The following TASP1 variants were observed in gnomAD, a reference collection of about 807,000 sequenced individuals.
TASP1 encodes taspase 1, also known as threonine aspartase 1.
In TASP1, 16 loss-of-function variants were observed where a neutral mutation model predicts 56.6. The observed-to-expected ratio is 0.28, with a 90% CI of 0.19 to 0.43. TASP1 has a LOEUF of 0.43. TASP1 is among the 20% of genes least tolerant of loss of function. TASP1 has a pLI of 1.00. For missense variants in TASP1, 393 were observed against 511.6 expected (o/e 0.77, Z 2.24); for synonymous variants, 179 against 184.2 (o/e 0.97, Z 0.23).
chr20:13,511,479 C>G (rs1438739452), intron 10 of TASP1, among the ~76,000 whole-genome samples: 1 of 152,118 alleles, frequency 6.6e-6, no homozygotes, highest in Non-Finnish European at 1.5e-5. Flanking sequence ...CCAAAGCACC[C>G]TAATCACTAC....
intron 4 of TASP1, among the ~76,000 whole-genome samples, chr20:13,623,046 G>A (rs1001681541): frequency 1.4e-4 from 21 of 152,284 alleles, no homozygotes; most frequent in African/African-American, 4.6e-4. Context: ...ATATCTAACT[G>A]TTAGGTTCGT....
chr20:13,624,011 T>C (rs1165427226), intron 3 of TASP1, among the ~76,000 whole-genome samples: 1 of 152,330 alleles, frequency 6.6e-6, no homozygotes, highest in Non-Finnish European at 1.5e-5. Context: ...TACTATAATG[T>C]AAATTCTAAA....
the TASP1 span, chr20:13,117,619 G>C: frequency 1.2e-6 from 2 of 1,613,944 alleles, no homozygotes; most frequent in Admixed American, 1.7e-5. Flanking sequence ...CCAACCGGCC[G>C]GGGTGTCACG....
chr20:13,406,962 G>A (rs964821158), intron 13 of TASP1, among the ~76,000 whole-genome samples: 4 of 152,056 alleles, frequency 2.6e-5, no homozygotes, highest in Non-Finnish European at 4.4e-5. Flanking sequence ...CACCGTGCCC[G>A]GCTATTTTGA....
the TASP1 span, among the ~76,000 whole-genome samples, chr20:13,292,070 C>T: frequency 1.4e-3 from 207 of 152,318 alleles, 1 homozygote; most frequent in Middle Eastern, 3.4e-3. Flanking sequence ...GTCACCCTGA[C>T]ACCATCCTGA....
At chr20:13,498,329 T>TGTG (rs2043806575) in intron 10 of TASP1, among the ~76,000 whole-genome samples, 2 of 115,938 alleles carry the variant, frequency 1.7e-5, no homozygotes, top group Non-Finnish European at 3.7e-5. Context: ...TTTTCTTTTC[T>TGTG]TTTGTGTGTG....
chr20:13,288,029 C>T, the TASP1 span, among the ~76,000 whole-genome samples: 1 of 152,168 alleles, frequency 6.6e-6, no homozygotes, highest in Non-Finnish European at 1.5e-5. Context: ...CCTCTCTGTC[C>T]ATGTGATGTC....
At chr20:13,199,884 C>T in the TASP1 span, among the ~76,000 whole-genome samples, 1 of 152,228 alleles carries the variant, frequency 6.6e-6, no homozygotes, top group Non-Finnish European at 1.5e-5. Context: ...TGACTTCACA[C>T]CTTTTGCACT....
At chr20:13,594,533 G>A (rs1432610588) in intron 4 of TASP1, among the ~76,000 whole-genome samples, 1 of 152,150 alleles carries the variant, frequency 6.6e-6, no homozygotes, top group African/African-American at 2.4e-5. Context: ...GACCTTAAAT[G>A]ACCTGATGGA....
chr20:13,300,696 G>A, the TASP1 span: 12 of 152,316 alleles, frequency 7.9e-5, no homozygotes, highest in South Asian at 1.9e-3. Flanking sequence ...TAAATAGCCC[G>A]TGTGAAGCAA....
At chr20:13,354,354 A>C in the TASP1 span, among the ~76,000 whole-genome samples, 1 of 152,138 alleles carries the variant, frequency 6.6e-6, no homozygotes. Flanking sequence ...CCACCAAGTG[A>C]CCCCCACTCT....
chr20:13,566,434 A>C (rs112486916), intron 7 of TASP1, among the ~76,000 whole-genome samples: 3,275 of 152,194 alleles, frequency 0.022, 109 homozygotes, highest in African/African-American at 0.074. Flanking sequence ...CCCAGACATA[A>C]ATGGGTAAAT....
intron 10 of TASP1, among the ~76,000 whole-genome samples, chr20:13,498,840 A>G (rs974759501): frequency 6.6e-6 from 1 of 152,024 alleles, no homozygotes; most frequent in Non-Finnish European, 1.5e-5. Flanking sequence ...TGGAGAAAAG[A>G]GAACACTTAT....
the TASP1 span, among the ~76,000 whole-genome samples, chr20:13,310,802 A>C: frequency 5.3e-5 from 8 of 152,228 alleles, no homozygotes; most frequent in Admixed American, 5.2e-4. Flanking sequence ...AGGCCAATGG[A>C]TATATGTAAA....
the TASP1 span, among the ~76,000 whole-genome samples, chr20:13,128,472 G>A: frequency 6.6e-6 from 1 of 152,150 alleles, no homozygotes; most frequent in Non-Finnish European, 1.5e-5. Context: ...TTCACCTTAA[G>A]GGTTCATCAT....
intron 6 of TASP1, among the ~76,000 whole-genome samples, chr20:13,574,006 G>A (rs1175096775): frequency 6.6e-6 from 1 of 152,076 alleles, no homozygotes; most frequent in Non-Finnish European, 1.5e-5. Context: ...GCTGCATATA[G>A]AGAGTACGCT....
At chr20:13,629,177 C>T (rs1048939042) in intron 2 of TASP1, among the ~76,000 whole-genome samples, 2 of 152,066 alleles carry the variant, frequency 1.3e-5, no homozygotes, top group Admixed American at 6.5e-5. Context: ...ACCCACCTGG[C>T]CAATATGGTG....
chr20:13,299,588 T>G, the TASP1 span: 1 of 892,328 alleles, frequency 1.1e-6, no homozygotes, highest in South Asian at 1.7e-5. The surrounding 1 kb of genome is among the most constrained non-coding windows in gnomAD (Gnocchi z 5.8). Context: ...ACATGAGTAT[T>G]TCTCATACAT....
At chr20:13,461,618 T>C (rs998750725) in intron 11 of TASP1, among the ~76,000 whole-genome samples, 4 of 152,148 alleles carry the variant, frequency 2.6e-5, no homozygotes, top group Admixed American at 6.6e-5. Flanking sequence ...AACTCTGCCA[T>C]TGTAGCACGA....
Sources: allele counts gnomAD v4.1 joint callset (sites outside exome capture counted in the v4.1 genomes callset), GRCh38; gene constraint gnomAD v4.1.1; non-coding constraint Gnocchi (gnomAD v3.1); transcripts MANE v1.5; gene names NCBI Gene and HGNC (gene_info 2026-07-23, HGNC 2026-07-21).